Variants in ADAM18 observed in about 807,000 individuals in gnomAD.
The protein encoded by ADAM18 is ADAM metallopeptidase domain 18.
ADAM18 carries 117 observed loss-of-function variants against 94.4 expected under a neutral mutation model. The observed-to-expected ratio is 1.24, with a 90% CI of 1.07 to 1.45. The LOEUF (loss-of-function observed/expected upper bound fraction) is 1.45, where lower values mean the gene tolerates loss of function less well. Ranked by LOEUF, ADAM18 falls within the 40% of genes most tolerant of loss-of-function variation. ADAM18 has a pLI of 0.00. For synonymous variants in ADAM18, 327 were observed against 291.6 expected (o/e 1.12, Z -1.24); for missense variants, 936 against 880.0 (o/e 1.06, Z -0.81).
chr8:39,642,831 G>A (rs1820273595), intron 10 of ADAM18, among the ~76,000 whole-genome samples: 1 of 152,016 alleles, frequency 6.6e-6, no homozygotes, highest in Admixed American at 6.6e-5. Flanking sequence ...AATGTAAATG[G>A]TAGTTTAATA....
chr8:39,685,376 A>G (rs1454869460), intron 16 of ADAM18: 1 of 152,264 alleles, frequency 6.6e-6, no homozygotes, highest in Non-Finnish European at 1.5e-5. Context: ...GCGGTTTGCT[A>G]TAATGCAGGG....
chr8:39,720,587 T>A (rs1822718331), intron 18 of ADAM18, among the ~76,000 whole-genome samples: 1 of 151,452 alleles, frequency 6.6e-6, no homozygotes, highest in Non-Finnish European at 1.5e-5. Context: ...TAGAAACACT[T>A]TATATTAAAT....
intron 7 of ADAM18, among the ~76,000 whole-genome samples, chr8:39,630,363 T>C (rs1481927259): frequency 6.6e-6 from 1 of 151,272 alleles, no homozygotes; most frequent in East Asian, 1.9e-4. Flanking sequence ...ACATTATGTA[T>C]GTGTGTATAT....
intron 14 of ADAM18, among the ~76,000 whole-genome samples, chr8:39,671,621 A>G (rs1053995199): frequency 6.6e-6 from 1 of 152,186 alleles, no homozygotes; most frequent in African/African-American, 2.4e-5. Flanking sequence ...AATTGAAAAT[A>G]TGACTACCCT....
In ADAM18 at chr8:39,683,104, T is replaced by A. The variant is rs188072174; in HGVS notation, c.1821+2878T>A. Reference sequence around the variant, plus strand: ...CATTAGGATATAACAGACAGTATTTTCCGTTTTGTTCTCCTGCCCCTTCTT... The same window carrying A: ...CATTAGGATATAACAGACAGTATTTACCGTTTTGTTCTCCTGCCCCTTCTT... On this transcript the variant is annotated intron_variant, in intron 16 of 19. Transcript: ENST00000265707. 6.6e-5 allele frequency among the ~76,000 whole-genome samples: 10 copies of A among 152,338 alleles called. No homozygotes were observed. In the East Asian group the frequency reaches 1.9e-3, roughly 29 times the overall value.
intron 11 of ADAM18, among the ~76,000 whole-genome samples, chr8:39,646,477 T>C (rs1450952913): frequency 6.6e-6 from 1 of 152,210 alleles, no homozygotes; most frequent in Non-Finnish European, 1.5e-5. Context: ...ATTATCACTT[T>C]AACAAGTAAC....
chr8:39,595,911 A>G (rs1430757311), intron 2 of ADAM18, among the ~76,000 whole-genome samples: 1 of 152,060 alleles, frequency 6.6e-6, no homozygotes, highest in Admixed American at 6.6e-5. Context: ...TTTATTTTTC[A>G]ATTATATTCC....
At chr8:39,619,490 A>G (rs542876668) in intron 6 of ADAM18, among the ~76,000 whole-genome samples, 20 of 152,314 alleles carry the variant, frequency 1.3e-4, no homozygotes, top group Non-Finnish European at 2.5e-4. Context: ...ATAATGGGAT[A>G]AAACTAGAAA....
chr8:39,706,144 T>C (rs986381074), intron 17 of ADAM18, among the ~76,000 whole-genome samples: 3 of 152,138 alleles, frequency 2.0e-5, no homozygotes, highest in Admixed American at 2.0e-4. Context: ...GAAATATTAA[T>C]ACAAAGGCAT....
At chr8:39,594,845 G>A (rs189312496) in intron 2 of ADAM18, among the ~76,000 whole-genome samples, 59 of 76,000 alleles carry the variant, frequency 7.8e-4, no homozygotes, top group Admixed American at 4.4e-3. Context: ...AGTCTCAATA[G>A]TTTCTAGCTT....
At chr8:39,585,840 AT>A (rs1274735001) in intron 2 of ADAM18, among the ~76,000 whole-genome samples, 3 of 152,238 alleles carry the variant, frequency 2.0e-5, no homozygotes, top group African/African-American at 7.2e-5. Flanking sequence ...AAATATTACA[AT>A]AAGTAAATAT....
At chr8:39,601,502 G>A (rs116998174) in intron 2 of ADAM18, among the ~76,000 whole-genome samples, 71 of 151,748 alleles carry the variant, frequency 4.7e-4, no homozygotes, top group African/African-American at 6.3e-4. Flanking sequence ...TCTTATTATC[G>A]TGGTTTGCCT....
chr8:39,660,136 A>C (rs1470838291), intron 12 of ADAM18, among the ~76,000 whole-genome samples: 1 of 152,132 alleles, frequency 6.6e-6, no homozygotes, highest in Non-Finnish European at 1.5e-5. Flanking sequence ...AACTTAACAC[A>C]AAAGAAAATC....
intron 17 of ADAM18, among the ~76,000 whole-genome samples, chr8:39,701,556 G>A (rs1006841032): frequency 6.6e-6 from 1 of 151,986 alleles, no homozygotes; most frequent in African/African-American, 2.4e-5. Flanking sequence ...ATGTGTCATG[G>A]GAATTTGTGA....
chr8:39,594,959 T>A (rs1030368986), intron 2 of ADAM18, among the ~76,000 whole-genome samples: 2 of 152,012 alleles, frequency 1.3e-5, no homozygotes, highest in Admixed American at 6.6e-5. Flanking sequence ...TTTGGGATTC[T>A]AATGACACTG....
chr8:39,619,897 T>G (rs1198479054), intron 6 of ADAM18, among the ~76,000 whole-genome samples: 1 of 152,040 alleles, frequency 6.6e-6, no homozygotes, highest in Non-Finnish European at 1.5e-5. Flanking sequence ...AATCCTAAAA[T>G]GTATATGCAA....
intron 14 of ADAM18, among the ~76,000 whole-genome samples, chr8:39,669,069 T>C (rs1447692364): frequency 6.6e-6 from 1 of 152,034 alleles, no homozygotes; most frequent in Non-Finnish European, 1.5e-5. Context: ...GTGTGTGTTT[T>C]GTTTTTTTAA....
At chr8:39,636,021 T>G (rs1053546067) in intron 7 of ADAM18, among the ~76,000 whole-genome samples, 2 of 149,694 alleles carry the variant, frequency 1.3e-5, no homozygotes, top group East Asian at 3.9e-4. Flanking sequence ...TTTTTTTTTT[T>G]TGAGAGAGAG....
intron 18 of ADAM18, among the ~76,000 whole-genome samples, chr8:39,723,098 A>C (rs548874718): frequency 6.6e-6 from 1 of 151,422 alleles, no homozygotes. Context: ...TAGTTAACTC[A>C]TTGCTGATTT....
Sources: allele counts gnomAD v4.1 joint callset (sites outside exome capture counted in the v4.1 genomes callset), GRCh38; gene constraint gnomAD v4.1.1; transcripts MANE v1.5; gene names NCBI Gene and HGNC (gene_info 2026-07-23, HGNC 2026-07-21).